Variants in TDRP observed in about 807,000 individuals in gnomAD.
The protein encoded by TDRP is testis development-related protein.
A neutral mutation model predicts 10.5 loss-of-function variants in TDRP; 12 were observed. The observed-to-expected ratio is 1.15, with a 90% CI of 0.73 to 1.86. TDRP has a LOEUF of 1.86. Ranked by LOEUF, TDRP falls within the 40% of genes most tolerant of loss-of-function variation. The pLI is 0.00. For synonymous variants in TDRP, 139 were observed against 95.4 expected (o/e 1.46, Z -2.67); for missense variants, 353 against 229.2 (o/e 1.54, Z -3.49).
intron 1 of TDRP, among the ~76,000 whole-genome samples, chr8:497,692 G>A (rs1367250312): frequency 2.6e-5 from 4 of 152,196 alleles, no homozygotes; most frequent in African/African-American, 7.2e-5. Context: ...TCAAGACAAT[G>A]GGGAAAATGT....
intron 1 of TDRP, among the ~76,000 whole-genome samples, chr8:512,212 T>A (rs1021681943): frequency 6.7e-5 from 10 of 150,260 alleles, no homozygotes; most frequent in Admixed American, 1.3e-4. Flanking sequence ...GATCACGAGG[T>A]GGAGACTGAG....
At chr8:518,901 G>A (rs975569109) in intron 1 of TDRP, among the ~76,000 whole-genome samples, 12 of 152,128 alleles carry the variant, frequency 7.9e-5, no homozygotes, top group African/African-American at 2.7e-4. Flanking sequence ...CTTGGTTCCT[G>A]ACACAGAGTT....
intron 1 of TDRP, among the ~76,000 whole-genome samples, chr8:535,173 C>T (rs1010013585): frequency 6.6e-6 from 1 of 152,188 alleles, no homozygotes; most frequent in African/African-American, 2.4e-5. Flanking sequence ...AAAAAAGCCA[C>T]ACCCACAGCC....
At chr8:496,504 C>T (rs1009462544) in intron 1 of TDRP, among the ~76,000 whole-genome samples, 1 of 152,216 alleles carries the variant, frequency 6.6e-6, no homozygotes, top group African/African-American at 2.4e-5. Flanking sequence ...ACTTAGCTCA[C>T]ACAAATGGCC....
intron 1 of TDRP, among the ~76,000 whole-genome samples, chr8:526,735 C>G (rs922508127): frequency 6.6e-6 from 1 of 152,260 alleles, no homozygotes; most frequent in African/African-American, 2.4e-5. Flanking sequence ...GACTTATTCC[C>G]TTCTCCTCTA....
intron 1 of TDRP, among the ~76,000 whole-genome samples, chr8:509,656 G>C (rs892451505): frequency 6.6e-6 from 1 of 152,152 alleles, no homozygotes; most frequent in Non-Finnish European, 1.5e-5. Context: ...CCTGTGATGG[G>C]AGGGGCTGCC....
intron 1 of TDRP, among the ~76,000 whole-genome samples, chr8:511,376 G>T (rs78047614): frequency 0.048 from 7,277 of 151,828 alleles, 233 homozygotes; most frequent in African/African-American, 0.079. Flanking sequence ...TGTTGCTAAA[G>T]AGAATTTCAT....
chr8:519,082 G>A (rs955154784), intron 1 of TDRP, among the ~76,000 whole-genome samples: 1 of 151,258 alleles, frequency 6.6e-6, no homozygotes, highest in Non-Finnish European at 1.5e-5. Context: ...GAGAGAAGGA[G>A]GGCTAGAGAT....
At chr8:495,947 C>T (rs1199118511) in intron 1 of TDRP, among the ~76,000 whole-genome samples, 1 of 152,188 alleles carries the variant, frequency 6.6e-6, no homozygotes, top group African/African-American at 2.4e-5. Flanking sequence ...CCTGTCTGGG[C>T]AGAGGTCTGC....
rs915857102 is a variant in TDRP, at chr8:501,421, A to G, written c.109-6824T>C. Reference sequence around the variant, plus strand: ...GAGTGCAGTGGTGTGATCTTGGCTCACTGCAACATCCACCTCCCAGGTTCA... The same window carrying G: ...GAGTGCAGTGGTGTGATCTTGGCTCGCTGCAACATCCACCTCCCAGGTTCA... On this transcript the variant is annotated intron_variant, in intron 1 of 2. Transcript: ENST00000324079. Among the ~76,000 whole-genome samples, 82 of 151,756 alleles carry G rather than the reference A, an allele frequency of 5.4e-4. 1 individual carries two copies. Among genetic ancestry groups the G allele is most frequent in the Admixed American group, 2.4e-3 (37 of 15,264 alleles).
chr8:535,092 G>C (rs1802311285), intron 1 of TDRP, among the ~76,000 whole-genome samples: 1 of 152,192 alleles, frequency 6.6e-6, no homozygotes, highest in African/African-American at 2.4e-5. Flanking sequence ...TTTTTGTACA[G>C]AATATTGTAC....
In TDRP at chr8:492,650, G is replaced by A. The variant is rs1402465466; in HGVS notation, c.307C>T (p.Pro103Ser). ...GGCTCCCAACCTTCAATTTCATCTGGTTTTTTAGACTGTATATTCTGTTTT... is the reference window on the plus strand; with the variant it reads ...GGCTCCCAACCTTCAATTTCATCTGATTTTTTAGACTGTATATTCTGTTTT... ...VLKQNIQSKK[P>S]DEIEGWEPPK... Residue 103 changes from proline (P) to serine (S), a missense_variant, in exon 3 of 3, where the codon CCA (proline) becomes TCA (serine). Physicochemically the swap from Pro to Ser is moderately conservative, Grantham distance 74. Transcript: ENST00000324079. 6.2e-7 allele frequency: 1 copy of A among 1,613,942 alleles called. No individual in the cohort carries two copies. The highest frequency in any genetic ancestry group is 8.5e-7 in the Non-Finnish European group (1 of 1,179,868).
At chr8:502,355 T>G (rs559775659) in intron 1 of TDRP, among the ~76,000 whole-genome samples, 3 of 152,106 alleles carry the variant, frequency 2.0e-5, no homozygotes. Flanking sequence ...ATGAGACCCA[T>G]CAGGCCACAG....
At chr8:506,302 T>G (rs1584859909) in intron 1 of TDRP, among the ~76,000 whole-genome samples, 1 of 152,102 alleles carries the variant, frequency 6.6e-6, no homozygotes. Context: ...CCATTTACCC[T>G]CCCAGCTCGG....
chr8:503,413 G>A (rs1801360939), intron 1 of TDRP, among the ~76,000 whole-genome samples: 1 of 150,914 alleles, frequency 6.6e-6, no homozygotes, highest in South Asian at 2.1e-4. Flanking sequence ...CGTCAACACG[G>A]AATCCACAGC....
chr8:503,044 TC>T (rs1801348980), intron 1 of TDRP, among the ~76,000 whole-genome samples: 1 of 150,552 alleles, frequency 6.6e-6, no homozygotes, highest in Non-Finnish European at 1.5e-5. Context: ...CAACACGGAA[TC>T]CAGAGCCACA....
chr8:495,675 G>C (rs1801108622), intron 1 of TDRP, among the ~76,000 whole-genome samples: 1 of 152,178 alleles, frequency 6.6e-6, no homozygotes, highest in South Asian at 2.1e-4. Flanking sequence ...AGAATACTTT[G>C]CGTTGTTAAA....
intron 1 of TDRP, among the ~76,000 whole-genome samples, chr8:519,964 C>T (rs938091672): frequency 6.6e-6 from 1 of 152,112 alleles, no homozygotes; most frequent in Non-Finnish European, 1.5e-5. Context: ...TGTGCTTTAC[C>T]GGCATCCAGC....
chr8:505,126 C>T (rs186710414), intron 1 of TDRP, among the ~76,000 whole-genome samples: 19 of 152,312 alleles, frequency 1.2e-4, no homozygotes, highest in African/African-American at 4.3e-4. Context: ...TTTGGAATTA[C>T]TTATGTAATC....
Sources: gnomAD v4.1 joint callset for allele counts (sites outside exome capture counted in the v4.1 genomes callset) on GRCh38, gnomAD v4.1.1 for gene constraint, MANE v1.5 for transcripts, NCBI Gene and HGNC (gene_info 2026-07-23, HGNC 2026-07-21) for gene names.